CNTNAP5: variants seen among roughly 807,000 people sequenced by gnomAD.
CNTNAP5 encodes contactin associated protein family member 5, also known as contactin-associated protein-like 5.
Under a neutral mutation model 150.2 loss-of-function variants are expected in CNTNAP5, and 72 were observed. The ratio of observed to expected loss-of-function variants is 0.48; its 90% CI spans 0.40 to 0.58. The LOEUF is 0.58. CNTNAP5 is among the 20% of genes least tolerant of loss of function. The pLI, the probability that CNTNAP5 is intolerant of heterozygous loss-of-function variation, is 0.00. For missense variants in CNTNAP5, 1,636 were observed against 1,626.2 expected (o/e 1.01, Z -0.10); for synonymous variants, 672 against 619.8 (o/e 1.08, Z -1.25).
At chr2:124,888,019 G>A (rs1308989854) in intron 21 of CNTNAP5, among the ~76,000 whole-genome samples, 3 of 151,922 alleles carry the variant, frequency 2.0e-5, no homozygotes, top group Non-Finnish European at 2.9e-5. Context: ...TGTCACTTGG[G>A]TATATTGCAT....
At chr2:124,472,716 A>G (rs1184323713) in intron 6 of CNTNAP5, among the ~76,000 whole-genome samples, 1 of 151,898 alleles carries the variant, frequency 6.6e-6, no homozygotes, top group Non-Finnish European at 1.5e-5. Flanking sequence ...AGATATGTTT[A>G]TACTATATTA....
At chr2:124,127,144 G>T (rs1049475693) in intron 1 of CNTNAP5, among the ~76,000 whole-genome samples, 2 of 152,156 alleles carry the variant, frequency 1.3e-5, no homozygotes, top group African/African-American at 4.8e-5. Context: ...ATGACATATT[G>T]TATATTTAGA....
At chr2:124,893,823 A>G (rs958748015) in intron 21 of CNTNAP5, among the ~76,000 whole-genome samples, 3 of 152,148 alleles carry the variant, frequency 2.0e-5, no homozygotes, top group African/African-American at 7.2e-5. Context: ...AGGTCATTCA[A>G]CTTAGGCTCT....
At chr2:124,182,241 T>C (rs1020695948) in intron 1 of CNTNAP5, among the ~76,000 whole-genome samples, 7 of 152,190 alleles carry the variant, frequency 4.6e-5, no homozygotes, top group African/African-American at 1.7e-4. Flanking sequence ...CATATGAATA[T>C]TGTTTATCAG....
At chr2:124,822,360 G>A (rs999503988) in intron 19 of CNTNAP5, among the ~76,000 whole-genome samples, 6 of 151,980 alleles carry the variant, frequency 3.9e-5, no homozygotes, top group African/African-American at 1.5e-4. Flanking sequence ...CTTAACTCTT[G>A]CCCTCATTCT....
chr2:124,585,570 A>G (rs972112009), intron 11 of CNTNAP5, among the ~76,000 whole-genome samples: 1 of 150,516 alleles, frequency 6.6e-6, no homozygotes, highest in Non-Finnish European at 1.5e-5. Context: ...AGAAAAAACA[A>G]TTGTTCTTTA....
chr2:124,188,716 C>CAAAAAAAAA (rs70996047), intron 1 of CNTNAP5, among the ~76,000 whole-genome samples: 37 of 73,050 alleles, frequency 5.1e-4, no homozygotes, highest in African/African-American at 7.9e-4. Flanking sequence ...GACTCTGTCT[C>CAAAAAAAAA]AAAAAAAAAA....
intron 16 of CNTNAP5, among the ~76,000 whole-genome samples, chr2:124,764,899 C>T (rs571127803): frequency 4.9e-4 from 75 of 152,004 alleles, no homozygotes; most frequent in Non-Finnish European, 3.1e-4. Flanking sequence ...TGCTCTGTTG[C>T]GATCATAGTA....
At chr2:124,695,253 C>G (rs1165074160) in intron 13 of CNTNAP5, among the ~76,000 whole-genome samples, 2 of 152,164 alleles carry the variant, frequency 1.3e-5, no homozygotes, top group Non-Finnish European at 2.9e-5. Flanking sequence ...TGCAGTAGCA[C>G]AGCACTTGCA....
chr2:124,419,948 CTT>C (rs1553466650), intron 4 of CNTNAP5, among the ~76,000 whole-genome samples: 3,762 of 112,616 alleles, frequency 0.033, 110 homozygotes, highest in African/African-American at 0.052. Context: ...TTCTTTCTTT[CTT>C]TCTTTCCTTT....
At chr2:124,883,837 T>G (rs572198749) in intron 21 of CNTNAP5, among the ~76,000 whole-genome samples, 30 of 152,226 alleles carry the variant, frequency 2.0e-4, no homozygotes, top group Non-Finnish European at 2.8e-4. Flanking sequence ...ATTGTATATA[T>G]GTATATCTGG....
chr2:124,269,857 G>C (rs1243610519), intron 3 of CNTNAP5, among the ~76,000 whole-genome samples: 1 of 152,112 alleles, frequency 6.6e-6, no homozygotes, highest in Non-Finnish European at 1.5e-5. Context: ...TTGAAAGAAA[G>C]CAATGTAAAA....
At chr2:124,284,797 G>A (rs780012) in intron 3 of CNTNAP5, among the ~76,000 whole-genome samples, 98,392 of 151,924 alleles carry the variant, frequency 0.65, 32,287 homozygotes, top group South Asian at 0.85. Flanking sequence ...AAATTGTTAT[G>A]CCTGCTTCTA....
intron 3 of CNTNAP5, among the ~76,000 whole-genome samples, chr2:124,364,466 A>G (rs1187266609): frequency 2.0e-5 from 3 of 151,988 alleles, no homozygotes; most frequent in Admixed American, 6.6e-5. Flanking sequence ...CTATCACACG[A>G]TATCATTATC....
intron 3 of CNTNAP5, among the ~76,000 whole-genome samples, chr2:124,375,840 C>T (rs966407802): frequency 3.9e-5 from 6 of 151,992 alleles, no homozygotes; most frequent in African/African-American, 1.4e-4. Context: ...GATATCTAGG[C>T]AGACAAAATG....
intron 4 of CNTNAP5, among the ~76,000 whole-genome samples, chr2:124,419,967 T>A (rs1692052965): frequency 2.6e-5 from 1 of 38,152 alleles, no homozygotes; most frequent in Non-Finnish European, 5.4e-5. Context: ...CTTTTCTCTC[T>A]CTCTCTTTCT....
intron 1 of CNTNAP5, among the ~76,000 whole-genome samples, chr2:124,130,658 T>G: frequency 6.6e-6 from 1 of 152,140 alleles, no homozygotes; most frequent in Non-Finnish European, 1.5e-5. Context: ...GACAGCATCC[T>G]ATTAGCTCTT....
intron 13 of CNTNAP5, among the ~76,000 whole-genome samples, chr2:124,678,097 A>G (rs1281560293): frequency 6.6e-6 from 1 of 151,646 alleles, no homozygotes; most frequent in Non-Finnish European, 1.5e-5. Flanking sequence ...GTTCCCATCT[A>G]GTTCCCACCC....
chr2:124,118,359 C>A (rs10496624), intron 1 of CNTNAP5, among the ~76,000 whole-genome samples: 3,850 of 152,204 alleles, frequency 0.025, 176 homozygotes, highest in African/African-American at 0.087. Flanking sequence ...GTCTTGCATT[C>A]AACTTCAAAC....
Sources: gnomAD v4.1 joint callset for allele counts (sites outside exome capture counted in the v4.1 genomes callset) on GRCh38, gnomAD v4.1.1 for gene constraint, MANE v1.5 for transcripts, NCBI Gene and HGNC (gene_info 2026-07-23, HGNC 2026-07-21) for gene names.